The following SDCCAG8 variants were observed in gnomAD, a reference collection of about 807,000 sequenced individuals.
SDCCAG8 encodes serologically defined colon cancer antigen 8.
Under a neutral mutation model 101.8 loss-of-function variants are expected in SDCCAG8, and 74 were observed. The observed-to-expected ratio is 0.73, with a 90% CI of 0.60 to 0.88. The LOEUF (loss-of-function observed/expected upper bound fraction) is 0.88, where lower values mean the gene tolerates loss of function less well. Ranked by LOEUF, SDCCAG8 falls within the 40% of genes least tolerant of loss-of-function variation. The pLI is 0.00. For missense variants in SDCCAG8, 787 were observed against 822.6 expected, an observed-to-expected ratio of 0.96 and a Z score of 0.53; for synonymous variants, 281 against 292.9, an observed-to-expected ratio of 0.96 and a Z score of 0.41.
At chr1:243,442,680 A>G (rs1395987975) in intron 16 of SDCCAG8, among the ~76,000 whole-genome samples, 4 of 151,568 alleles carry the variant, frequency 2.6e-5, no homozygotes. Flanking sequence ...GTTTTTTCAG[A>G]CAGAAACCAA....
intron 12 of SDCCAG8, among the ~76,000 whole-genome samples, chr1:243,357,102 G>A (rs908644192): frequency 6.6e-5 from 10 of 152,180 alleles, no homozygotes; most frequent in African/African-American, 2.2e-4. Flanking sequence ...CTTTTGGGCC[G>A]GGTGTGGTGG....
At chr1:243,486,094 C>A (rs550369757) in intron 16 of SDCCAG8, among the ~76,000 whole-genome samples, 1 of 144,604 alleles carries the variant, frequency 6.9e-6, no homozygotes, top group African/African-American at 2.5e-5. Flanking sequence ...CTACTCTACT[C>A]GGGAGGCTGA....
chr1:243,302,575 C>G (rs1193546331), intron 6 of SDCCAG8, among the ~76,000 whole-genome samples: 1 of 152,174 alleles, frequency 6.6e-6, no homozygotes, highest in Non-Finnish European at 1.5e-5. Flanking sequence ...AATGAGAAAC[C>G]TTTTTCTACA....
intron 6 of SDCCAG8, among the ~76,000 whole-genome samples, chr1:243,294,501 A>AGCGAGAGAGAGAG (rs2070626512): frequency 1.1e-4 from 3 of 26,684 alleles, no homozygotes; most frequent in African/African-American, 3.7e-4. Context: ...GAGAGAGAGA[A>AGCGAGAGAGAGAG]AGAGCGAGAG....
At chr1:243,346,729 T>C (rs2075733110) in intron 12 of SDCCAG8, among the ~76,000 whole-genome samples, 1 of 152,194 alleles carries the variant, frequency 6.6e-6, no homozygotes, top group South Asian at 2.1e-4. Context: ...TCAACTCCTT[T>C]GTATCTCTTC....
At chr1:243,272,451 A>G (rs1225291258) in intron 3 of SDCCAG8, among the ~76,000 whole-genome samples, 1 of 151,488 alleles carries the variant, frequency 6.6e-6, no homozygotes, top group African/African-American at 2.5e-5. Context: ...TTAGTAAAAC[A>G]TCTCATCATT....
chr1:243,300,630 G>A (rs1398093583), intron 6 of SDCCAG8, among the ~76,000 whole-genome samples: 2 of 152,088 alleles, frequency 1.3e-5, no homozygotes, highest in African/African-American at 2.4e-5. Flanking sequence ...TTACATTCCT[G>A]TGATACTGAT....
chr1:243,362,916 A>G (rs1478512386), intron 12 of SDCCAG8, among the ~76,000 whole-genome samples: 1 of 152,204 alleles, frequency 6.6e-6, no homozygotes, highest in Non-Finnish European at 1.5e-5. Flanking sequence ...CTGACCTACA[A>G]CTGGGTGGTG....
intron 16 of SDCCAG8, among the ~76,000 whole-genome samples, chr1:243,451,653 G>A (rs73120326): frequency 0.024 from 3,707 of 152,172 alleles, 79 homozygotes; most frequent in African/African-American, 0.052. Context: ...AGCCAGGCCC[G>A]ATGGCTCATG....
intron 5 of SDCCAG8, among the ~76,000 whole-genome samples, chr1:243,290,168 C>G (rs931929605): frequency 3.3e-5 from 5 of 151,814 alleles, no homozygotes; most frequent in African/African-American, 1.2e-4. Flanking sequence ...CAATATTTTT[C>G]ACGTTTGTTT....
intron 8 of SDCCAG8, among the ~76,000 whole-genome samples, chr1:243,309,452 A>G (rs765045509): frequency 1.3e-5 from 2 of 152,190 alleles, no homozygotes; most frequent in Non-Finnish European, 2.9e-5. Flanking sequence ...AGAATGATCA[A>G]TATGTCTTCT....
chr1:243,348,497 T>A (rs2075877419), intron 12 of SDCCAG8, among the ~76,000 whole-genome samples: 1 of 151,624 alleles, frequency 6.6e-6, no homozygotes, highest in South Asian at 2.1e-4. Context: ...CATACGCACC[T>A]CCCCCAGTGC....
At chr1:243,259,737 T>C (rs2067053252) in intron 1 of SDCCAG8, among the ~76,000 whole-genome samples, 1 of 151,814 alleles carries the variant, frequency 6.6e-6, no homozygotes, top group Non-Finnish European at 1.5e-5. Context: ...GAGAATTGCT[T>C]GAGCCTGGGA....
intron 16 of SDCCAG8, among the ~76,000 whole-genome samples, chr1:243,443,740 G>A (rs898129253): frequency 6.6e-6 from 1 of 152,108 alleles, no homozygotes; most frequent in Non-Finnish European, 1.5e-5. Context: ...CGCTTGCTGT[G>A]TCTGTCTGTT....
intron 10 of SDCCAG8, among the ~76,000 whole-genome samples, chr1:243,338,306 A>T (rs1230458606): frequency 1.3e-5 from 2 of 152,226 alleles, no homozygotes; most frequent in Non-Finnish European, 2.9e-5. Flanking sequence ...TGTAAGTGCT[A>T]GGCAGTTAAA....
rs1338106979 is a variant in SDCCAG8, at chr1:243,480,514, G to A, written c.1986-8500G>A. On this transcript the variant is annotated intron_variant, in intron 16 of 17. Coordinates refer to ENST00000366541, the MANE Select transcript of SDCCAG8 (RefSeq NM_006642.5). ...GGTGGGATGGATGGATGGATAGGTG[G>A]GATGGGTGGGATGGATGGATGGATG... 3.5e-4 allele frequency among the ~76,000 whole-genome samples: 14 copies of A among 40,442 alleles called. 1 individual carries two copies. Among genetic ancestry groups the A allele is most frequent in the Admixed American group, 8.1e-4 (3 of 3,698 alleles). 26.5% of individuals were successfully genotyped at this position (40,442 alleles called of 152,430 possible). A position where few individuals can be genotyped will look rare whatever the true frequency, so the allele number is the denominator to read the frequency against.
At chr1:243,275,486 T>G (rs1290704330) in intron 4 of SDCCAG8, among the ~76,000 whole-genome samples, 1 of 152,198 alleles carries the variant, frequency 6.6e-6, no homozygotes, top group Non-Finnish European at 1.5e-5. Flanking sequence ...ACTGTCCTGA[T>G]TTTACCGGGG....
intron 16 of SDCCAG8, among the ~76,000 whole-genome samples, chr1:243,470,205 C>T (rs376838724): frequency 6.6e-6 from 1 of 152,168 alleles, no homozygotes; most frequent in African/African-American, 2.4e-5. Context: ...CCAGATGTGG[C>T]GCAAGTGCTC....
chr1:243,472,906 A>G (rs544901081), intron 16 of SDCCAG8, among the ~76,000 whole-genome samples: 1 of 152,364 alleles, frequency 6.6e-6, no homozygotes, highest in Admixed American at 6.5e-5. Context: ...TTCTACAAAC[A>G]TAAATGTCCA....
Sources: gnomAD v4.1 joint callset for allele counts (sites outside exome capture counted in the v4.1 genomes callset) on GRCh38, gnomAD v4.1.1 for gene constraint, MANE v1.5 for transcripts, NCBI Gene and HGNC (gene_info 2026-07-23, HGNC 2026-07-21) for gene names.